The following KANTR variants were observed in gnomAD, a reference collection of about 807,000 sequenced individuals.
KANTR encodes KDM5C adjacent transcript.
rs183115666 is a variant in KANTR, at chrX:53,139,310, A to G, written n.204-2538A>G. On this transcript the variant is annotated intron_variant and non_coding_transcript_variant, in intron 2 of 2. Transcript: ENST00000366185. Reference sequence around the variant, plus strand: ...TGTAATGTTAATAGAAATTGTAGGGAGATGTCTGTGACCTAGGGGCTTGGA... The same window carrying G: ...TGTAATGTTAATAGAAATTGTAGGGGGATGTCTGTGACCTAGGGGCTTGGA... 5.9e-3 allele frequency among the ~76,000 whole-genome samples: 660 copies of G among 111,358 alleles called. 6 individuals carry two copies. Among genetic ancestry groups the G allele is most frequent in the Middle Eastern group, 9.3e-3 (2 of 215 alleles).
At chrX:53,140,711 T>C (rs1177031470) in intron 2 of KANTR, among the ~76,000 whole-genome samples, 1 of 110,846 alleles carries the variant, frequency 9.0e-6, no homozygotes, top group Non-Finnish European at 1.9e-5. Flanking sequence ...AAGCCTTCTC[T>C]CATTAAAGTA....
chrX:53,145,371 C>T (rs937566828), downstream of KANTR, among the ~76,000 whole-genome samples: 2 of 112,141 alleles, frequency 1.8e-5, no homozygotes, highest in East Asian at 2.8e-4. Flanking sequence ...GCCCCTGGCT[C>T]GGAGGGTCCT....
intron 2 of KANTR, among the ~76,000 whole-genome samples, chrX:53,119,044 C>CTTT (rs59837494): frequency 2.8e-5 from 2 of 70,509 alleles, no homozygotes; most frequent in Non-Finnish European, 5.7e-5. Context: ...ATTTTTCTTT[C>CTTT]TTTTTTTTTT....
chrX:53,109,297 T>C (rs1318745171), intron 2 of KANTR, among the ~76,000 whole-genome samples: 2 of 112,366 alleles, frequency 1.8e-5, no homozygotes, highest in Non-Finnish European at 3.8e-5. Context: ...TTGTTTTTGT[T>C]TTGAGATGGA....
chrX:53,119,738 G>C (rs1469957283), intron 2 of KANTR, among the ~76,000 whole-genome samples: 2 of 110,748 alleles, frequency 1.8e-5, no homozygotes, highest in Non-Finnish European at 3.8e-5. Flanking sequence ...TATTTATTTT[G>C]AGATAGGTTC....
At chrX:53,143,108 A>T (rs1556818718), downstream of KANTR, 125 of 1,163,941 alleles carry the variant, frequency 1.1e-4, 1 homozygote, top group Non-Finnish European at 9.7e-5. Flanking sequence ...ATGCCGCAGG[A>T]TTCCATGCCC....
chrX:53,147,590 T>C (rs1556819568), downstream of KANTR, among the ~76,000 whole-genome samples: 1 of 111,392 alleles, frequency 9.0e-6, no homozygotes, highest in East Asian at 2.8e-4. Flanking sequence ...TATCCAGGAA[T>C]TGAACTCAGC....
chrX:53,142,682 G>A, exon 3 of KANTR: 1 of 358,685 alleles, frequency 2.8e-6, no homozygotes, highest in South Asian at 2.7e-5. Context: ...TTTGCCAGGG[G>A]CAAATTTATA....
downstream of KANTR, among the ~76,000 whole-genome samples, chrX:53,147,345 C>T (rs1403315166): frequency 4.5e-5 from 5 of 111,073 alleles, no homozygotes; most frequent in Non-Finnish European, 9.4e-5. Context: ...AGACTTTAAA[C>T]GAACAAAGAT....
chrX:53,108,448 C>A (rs1453684847), intron 2 of KANTR, among the ~76,000 whole-genome samples: 1 of 111,002 alleles, frequency 9.0e-6, no homozygotes, highest in Non-Finnish European at 1.9e-5. Flanking sequence ...GTAATCCACC[C>A]GACCTCAGCC....
chrX:53,120,413 G>T (rs1271836210), intron 2 of KANTR, among the ~76,000 whole-genome samples: 2 of 111,696 alleles, frequency 1.8e-5, no homozygotes, highest in African/African-American at 6.5e-5. Flanking sequence ...CAGTGAATCT[G>T]TAGATCATTT....
At chrX:53,146,091 C>CCTA (rs782070151), downstream of KANTR, among the ~76,000 whole-genome samples, 1 of 112,042 alleles carries the variant, frequency 8.9e-6, no homozygotes, top group African/African-American at 3.2e-5. Flanking sequence ...AATCAGAGTG[C>CCTA]CTATCCTCCT....
intron 2 of KANTR, chrX:53,113,175 G>A (rs782647194): frequency 2.5e-5 from 6 of 236,345 alleles, no homozygotes; most frequent in African/African-American, 1.5e-4. Context: ...TGGCTGTAGG[G>A]GAAGATTGAG....
intron 2 of KANTR, among the ~76,000 whole-genome samples, chrX:53,135,331 G>T (rs782589270): frequency 1.8e-5 from 2 of 111,587 alleles, no homozygotes; most frequent in South Asian, 7.5e-4. Context: ...AAGAATCGTG[G>T]GGGTTATATT....
exon 3 of KANTR, chrX:53,124,771 G>A (rs1268351380): frequency 5.7e-6 from 1 of 175,996 alleles, no homozygotes; most frequent in African/African-American, 3.0e-5. Flanking sequence ...TTGCATTATG[G>A]TCAGAGGATG....
chrX:53,124,212 A>G (rs951179775), exon 3 of KANTR: 4 of 294,284 alleles, frequency 1.4e-5, no homozygotes, highest in Non-Finnish European at 2.4e-5. Context: ...TTTTGTCTGC[A>G]TTTTCAAATT....
chrX:53,112,527 T>G (rs1556813958), intron 2 of KANTR, among the ~76,000 whole-genome samples: 1 of 112,152 alleles, frequency 8.9e-6, no homozygotes, highest in African/African-American at 3.2e-5. Flanking sequence ...GGAAGGTTTT[T>G]TCCTTCAGCA....
downstream of KANTR, among the ~76,000 whole-genome samples, chrX:53,144,927 C>G (rs1181154488): frequency 7.2e-5 from 8 of 111,731 alleles, no homozygotes; most frequent in Non-Finnish European, 1.5e-4. Flanking sequence ...CTTAGTCGTT[C>G]TGTGTCTCAA....
chrX:53,128,232 A>C, downstream of KANTR, among the ~76,000 whole-genome samples: 1 of 111,651 alleles, frequency 9.0e-6, no homozygotes, highest in South Asian at 3.8e-4. Context: ...GTTGAGCAAA[A>C]TTTGACCACT....
Sources: gnomAD v4.1 joint callset for allele counts (sites outside exome capture counted in the v4.1 genomes callset) on GRCh38, gnomAD v4.1.1 for gene constraint, MANE v1.5 for transcripts, NCBI Gene and HGNC (gene_info 2026-07-23, HGNC 2026-07-21) for gene names.